Variants in SCARB2 observed in about 807,000 individuals in gnomAD.
The protein encoded by SCARB2 is lysosome membrane protein 2.
A neutral mutation model predicts 58.6 loss-of-function variants in SCARB2; 29 were observed. The ratio of observed to expected loss-of-function variants is 0.49; its 90% CI spans 0.37 to 0.67. The LOEUF is 0.67. Among genes scored for constraint, SCARB2 ranks in the 30% least tolerant of loss-of-function variants. SCARB2 has a pLI of 0.00. For synonymous variants in SCARB2, 195 were observed against 210.1 expected (o/e 0.93, Z 0.62); for missense variants, 488 against 578.5 (o/e 0.84, Z 1.60).
intron 1 of SCARB2, among the ~76,000 whole-genome samples, chr4:76,232,168 T>C (rs1733504250): frequency 6.6e-6 from 1 of 152,204 alleles, no homozygotes; most frequent in African/African-American, 2.4e-5. Flanking sequence ...TAGTTCAAAA[T>C]AAGTTTCCTT....
chr4:76,212,659 G>C (rs968658087), intron 1 of SCARB2, among the ~76,000 whole-genome samples: 2 of 152,158 alleles, frequency 1.3e-5, no homozygotes, highest in African/African-American at 2.4e-5. Context: ...TGGTGGATGT[G>C]GGGGAAAGGG....
intron 1 of SCARB2, among the ~76,000 whole-genome samples, chr4:76,202,985 T>C (rs1732860534): frequency 1.3e-5 from 2 of 152,194 alleles, no homozygotes; most frequent in Admixed American, 6.5e-5. Flanking sequence ...TCCAAATTAG[T>C]GAATAATTTT....
chr4:76,196,468 C>T (rs987280419), intron 1 of SCARB2, among the ~76,000 whole-genome samples: 2 of 152,156 alleles, frequency 1.3e-5, no homozygotes, highest in East Asian at 1.9e-4. Context: ...GATTGAGTGC[C>T]TAAAGGGCCT....
At chr4:76,202,330 C>T (rs752441766) in intron 1 of SCARB2, among the ~76,000 whole-genome samples, 14 of 152,038 alleles carry the variant, frequency 9.2e-5, no homozygotes, top group African/African-American at 2.4e-4. Flanking sequence ...TGGCATGACT[C>T]GGCTCACCAC....
At chr4:76,167,071 A>G (rs1732023973) in intron 9 of SCARB2, among the ~76,000 whole-genome samples, 1 of 152,192 alleles carries the variant, frequency 6.6e-6, no homozygotes, top group Non-Finnish European at 1.5e-5. Flanking sequence ...TAATTTTCTC[A>G]TATCTAAAAA....
In SCARB2 at chr4:76,201,592, C is replaced by T. The variant is rs550792333; in HGVS notation, c.118-5728G>A. Among the ~76,000 whole-genome samples, 10 of 152,276 alleles carry T rather than the reference C, an allele frequency of 6.6e-5. No homozygotes were observed. In the South Asian group the frequency reaches 1.4e-3, roughly 22 times the overall value. ...CTAAATAATATGTAAGAAAGGTGAT[C>T]TGAATAAATAAAAAGTCTGAATTTC... On this transcript the variant is annotated intron_variant, in intron 1 of 11. Transcript: ENST00000264896.
chr4:76,174,185 C>G lies in SCARB2; in HGVS notation c.953G>C (p.Cys318Ser). 6.2e-7 allele frequency: 1 copy of G among 1,614,162 alleles called. No homozygotes were observed. The highest frequency in any genetic ancestry group is 1.7e-5 in the Admixed American group (1 of 60,022). ...NAGFCIPEGN[C>S]LGSGVLNVSI... ...GACATTCAGAACTCCTGAGCCCAGG[C>G]AGTTTCCCTCAGGTATACAGAAGCC... Residue 318 changes from cysteine (C) to serine (S), a missense_variant, in exon 7 of 12, where the codon TGC (cysteine) becomes TCC (serine). By Grantham distance (112) the Cys-to-Ser change is moderately radical. Transcript: ENST00000264896.
intron 1 of SCARB2, among the ~76,000 whole-genome samples, chr4:76,196,946 T>C (rs552522737): frequency 7.5e-4 from 114 of 152,278 alleles, no homozygotes; most frequent in African/African-American, 2.7e-3. Flanking sequence ...GAAGGTTAAA[T>C]GAGGTCATGA....
intron 1 of SCARB2, among the ~76,000 whole-genome samples, chr4:76,202,267 CTTAT>C (rs1215076132): frequency 1.3e-5 from 2 of 151,978 alleles, no homozygotes; most frequent in African/African-American, 4.8e-5. Context: ...TATTCAGTTA[CTTAT>C]TTATTTTTTG....
intron 1 of SCARB2, among the ~76,000 whole-genome samples, chr4:76,207,754 G>A (rs1315504827): frequency 6.6e-6 from 1 of 152,134 alleles, no homozygotes. Flanking sequence ...TTCTTCCTGG[G>A]AAATAAGCAA....
intron 7 of SCARB2, among the ~76,000 whole-genome samples, chr4:76,172,278 G>GT (rs1199759216): frequency 2.0e-5 from 3 of 150,030 alleles, no homozygotes; most frequent in Non-Finnish European, 4.4e-5. Flanking sequence ...TAATTTTTTT[G>GT]TTTTTTGAGA....
chr4:76,173,091 G>A (rs190913668), intron 7 of SCARB2: 60 of 152,240 alleles, frequency 3.9e-4, no homozygotes, highest in African/African-American at 1.4e-3. Context: ...AGTTCATTGT[G>A]AATAATTCTG....
intron 1 of SCARB2, among the ~76,000 whole-genome samples, chr4:76,198,621 C>T (rs1376774826): frequency 2.0e-5 from 3 of 152,188 alleles, no homozygotes; most frequent in African/African-American, 7.2e-5. Flanking sequence ...CTGTCTCCCT[C>T]CACCCCCACA....
At chr4:76,228,487 AAAAAG>A (rs1733438469) in intron 1 of SCARB2, among the ~76,000 whole-genome samples, 1 of 151,220 alleles carries the variant, frequency 6.6e-6, no homozygotes. Context: ...TTAAAAAAAA[AAAAAG>A]AAAGAAAGAA....
At chr4:76,188,473 A>C (rs147977421) in intron 2 of SCARB2, among the ~76,000 whole-genome samples, 39 of 151,228 alleles carry the variant, frequency 2.6e-4, no homozygotes, top group Non-Finnish European at 4.0e-4. Context: ...TGCCACTGTA[A>C]ATCCTGTGTC....
chr4:76,179,395 C>T (rs1180760510), intron 4 of SCARB2, 122 bp downstream of exon 4: 3 of 752,232 alleles, frequency 4.0e-6, no homozygotes, highest in African/African-American at 3.5e-5. Flanking sequence ...ATTTTTCACA[C>T]ACTCTATAAG....
intron 1 of SCARB2, among the ~76,000 whole-genome samples, chr4:76,200,554 C>T (rs1732809249): frequency 2.0e-5 from 3 of 152,344 alleles, no homozygotes; most frequent in South Asian, 4.1e-4. Context: ...GCCCTGCAAA[C>T]AGGCATAGGC....
In SCARB2 at chr4:76,186,005, G is replaced by A. The variant is rs1732478476; in HGVS notation, c.276-4904C>T. ...CACACCTGCTGCTTAGGAGGGATTA[G>A]CTACTGATACCATGTGCAACGGCTT... On this transcript the variant is annotated intron_variant, in intron 2 of 11. Transcript: ENST00000264896. 2.6e-5 allele frequency among the ~76,000 whole-genome samples: 4 copies of A among 152,182 alleles called. No homozygotes were observed. In the South Asian group the frequency reaches 6.2e-4, roughly 24 times the overall value.
chr4:76,182,158 T>C (rs1381784725), intron 2 of SCARB2, among the ~76,000 whole-genome samples: 1 of 152,196 alleles, frequency 6.6e-6, no homozygotes, highest in Non-Finnish European at 1.5e-5. Context: ...TGGTACATAG[T>C]AGGTGTTCAA....
Sources: gnomAD v4.1 joint callset for allele counts (sites outside exome capture counted in the v4.1 genomes callset) on GRCh38, gnomAD v4.1.1 for gene constraint, MANE v1.5 for transcripts, NCBI Gene and HGNC (gene_info 2026-07-23, HGNC 2026-07-21) for gene names.